The following SLC13A4 variants were observed in gnomAD, a reference collection of about 807,000 sequenced individuals.
SLC13A4 encodes solute carrier family 13 member 4.
SLC13A4 carries 28 observed loss-of-function variants against 72.7 expected under a neutral mutation model. The ratio of observed to expected loss-of-function variants is 0.39; its 90% confidence interval spans 0.29 to 0.53. SLC13A4 has a LOEUF of 0.53. Ranked by LOEUF, SLC13A4 falls within the 20% of genes least tolerant of loss-of-function variation. The pLI is 0.78. For missense variants in SLC13A4, 653 were observed against 788.0 expected (o/e 0.83, Z 2.05); for synonymous variants, 312 against 325.5 (o/e 0.96, Z 0.45).
intron 2 of SLC13A4, among the ~76,000 whole-genome samples, chr7:135,712,407 C>T (rs1025241888): frequency 2.0e-5 from 3 of 148,976 alleles, no homozygotes; most frequent in African/African-American, 7.4e-5. Flanking sequence ...GCCGGGACTC[C>T]ACTGTGTGAC....
At chr7:135,708,405 C>G (rs1796219278) in intron 2 of SLC13A4, among the ~76,000 whole-genome samples, 155 bp from the exon 3 acceptor site, 1 of 152,132 alleles carries the variant, frequency 6.6e-6, no homozygotes, top group Non-Finnish European at 1.5e-5. Context: ...GAAATAGCCG[C>G]CCATCCTAGA....
chr7:135,691,502 G>T, intron 12 of SLC13A4, 46 bp downstream of exon 12: 2 of 1,550,370 alleles, frequency 1.3e-6, no homozygotes, highest in South Asian at 1.1e-5. Flanking sequence ...GTCTGATTTG[G>T]GTATTCTTCA....
chr7:135,727,603 G>T lies in SLC13A4; in HGVS notation c.-107C>A. ...AGAAAGACTTCTTAAACCTTTCTTGGCTTCCGAGAGTCCTCCTTCGTCTTG... is the reference window on the plus strand; with the variant it reads ...AGAAAGACTTCTTAAACCTTTCTTGTCTTCCGAGAGTCCTCCTTCGTCTTG... On this transcript the variant is annotated 5_prime_UTR_variant, in exon 1 of 16. Coordinates refer to ENST00000682651, the MANE Select transcript of SLC13A4 (RefSeq NM_001318192.2). 1 of 1,342,838 alleles carries T rather than the reference G, an allele frequency of 7.4e-7. No homozygotes were observed. The highest frequency in any genetic ancestry group is 2.6e-5 in the East Asian group (1 of 38,666). The allele number at this position is 1,342,838 out of a possible 1,614,324, so 83.2% of individuals were successfully genotyped here. A position where few individuals can be genotyped will look rare whatever the true frequency, so the allele number is the denominator to read the frequency against.
chr7:135,699,004 G>C (rs964759740), intron 8 of SLC13A4, among the ~76,000 whole-genome samples: 15 of 151,946 alleles, frequency 9.9e-5, no homozygotes, highest in Non-Finnish European at 2.1e-4. Context: ...TCAGTGGCAG[G>C]ATCATGGCTC....
At chr7:135,715,575 C>T (rs1322672333) in intron 2 of SLC13A4, among the ~76,000 whole-genome samples, 1 of 148,476 alleles carries the variant, frequency 6.7e-6, no homozygotes, top group African/African-American at 2.6e-5. Flanking sequence ...AGAGCACATG[C>T]AATTACTTCC....
intron 1 of SLC13A4, among the ~76,000 whole-genome samples, chr7:135,725,022 G>A (rs1796626266): frequency 6.6e-6 from 1 of 152,176 alleles, no homozygotes; most frequent in African/African-American, 2.4e-5. Context: ...TCATCTTCTG[G>A]AGAGAATATT....
At chr7:135,687,740 A>G (rs968310518) in intron 13 of SLC13A4, among the ~76,000 whole-genome samples, 1 of 148,074 alleles carries the variant, frequency 6.8e-6, no homozygotes, top group Admixed American at 6.8e-5. Context: ...TTGAATGGAA[A>G]TGGTACATTA....
At chr7:135,687,376 A>G (rs1206742039) in intron 13 of SLC13A4, among the ~76,000 whole-genome samples, 1 of 152,106 alleles carries the variant, frequency 6.6e-6, no homozygotes, top group Non-Finnish European at 1.5e-5. Context: ...ATGTTTTACT[A>G]TTAAATACCG....
intron 2 of SLC13A4, among the ~76,000 whole-genome samples, chr7:135,715,415 GTA>G (rs77722007): frequency 0.17 from 18,239 of 108,736 alleles, 1,254 homozygotes; most frequent in African/African-American, 0.26. Flanking sequence ...ATGAGTGTGT[GTA>G]TGAGTGTGTG....
chr7:135,710,583 A>AG (rs35052992), intron 2 of SLC13A4, among the ~76,000 whole-genome samples: 3 of 141,582 alleles, frequency 2.1e-5, no homozygotes, highest in East Asian at 4.7e-4. Flanking sequence ...GGGACTTGGT[A>AG]GGGGGGGAAG....
chr7:135,703,989 C>T (rs1336898044), intron 5 of SLC13A4: 2 of 152,268 alleles, frequency 1.3e-5, no homozygotes, highest in Non-Finnish European at 2.9e-5. Context: ...GACCCAGTTC[C>T]CACCAGCACA....
intron 5 of SLC13A4, 84 bp downstream of exon 5, chr7:135,705,512 T>A (rs1796139954): frequency 7.9e-7 from 1 of 1,264,338 alleles, no homozygotes; most frequent in South Asian, 1.3e-5. Context: ...CTCAAAGAGC[T>A]GTTTATGGGT....
rs371017595 is a variant in SLC13A4, at chr7:135,692,466, T to C, written c.1122-42A>G. ...AAAGACCCACTCAGGAACTGAGAAATTTCTCCTAGCTTTTTCACTTTGCTT... is the reference window on the plus strand; with the variant it reads ...AAAGACCCACTCAGGAACTGAGAAACTTCTCCTAGCTTTTTCACTTTGCTT... On this transcript the variant is annotated intron_variant, in intron 10 of 15. Transcript: ENST00000682651. 301 of 1,439,870 alleles carry C rather than the reference T, an allele frequency of 2.1e-4. No homozygotes were observed. In the African/African-American group the frequency reaches 4.1e-3, roughly 19 times the overall value. 89.2% of individuals were successfully genotyped at this position (1,439,870 alleles called of 1,614,324 possible).
Position 135,727,697 on chromosome 7 carries a change from T to G in SLC13A4, c.-201A>C. The G allele has an allele frequency of 1.8e-6, 1 of 559,770 alleles. No individual in the cohort carries two copies. Among genetic ancestry groups the G allele is most frequent in the Admixed American group, 3.3e-5 (1 of 30,754 alleles). 34.7% of individuals were successfully genotyped at this position (559,770 alleles called of 1,614,324 possible). On this transcript the variant is annotated 5_prime_UTR_variant, in exon 1 of 16. The change abolishes the stop of an existing upstream ORF in the 5' untranslated region. Coordinates refer to ENST00000682651, the MANE Select transcript of SLC13A4 (RefSeq NM_001318192.2). The stretch of plus-strand genomic sequence containing the variant: ...GAGGCTGGGCTCCTGGCCTCCTGCT[T>G]TAGGTGGGATTGATGAGCATCGTTT...
chr7:135,704,757 G>GGTGATGTCATCAAGA (rs1212278317), intron 5 of SLC13A4: 1 of 152,184 alleles, frequency 6.6e-6, no homozygotes, highest in East Asian at 1.9e-4. Flanking sequence ...TATCATCAAG[G>GGTGATGTCATCAAGA]GTGATGTCAT....
At chr7:135,715,494 G>GATGA (rs1563169305) in intron 2 of SLC13A4, among the ~76,000 whole-genome samples, 1 of 151,048 alleles carries the variant, frequency 6.6e-6, no homozygotes, top group African/African-American at 2.4e-5. Flanking sequence ...TGTATGAGTG[G>GATGA]GTGTGTAGGA....
chr7:135,706,952 G>A lies in SLC13A4; in HGVS notation c.366-652C>T, dbSNP rs1003845486. 2.6e-5 allele frequency among the ~76,000 whole-genome samples: 4 copies of A among 152,172 alleles called. No homozygotes were observed. In the East Asian group the frequency reaches 5.8e-4, roughly 22 times the overall value. ...ATTATTTCTCTTTGGCTTTGAGAACGTTGTGCAATGTGTGCCTGTACAGAC... is the reference window on the plus strand; with the variant it reads ...ATTATTTCTCTTTGGCTTTGAGAACATTGTGCAATGTGTGCCTGTACAGAC... On this transcript the variant is annotated intron_variant, in intron 3 of 15. Transcript: ENST00000682651.
At chr7:135,703,095 G>A (rs1796078823) in intron 5 of SLC13A4, 1 of 576,718 alleles carries the variant, frequency 1.7e-6, no homozygotes. Context: ...TCCTTCTGAG[G>A]GCAGGGGCAG....
At chr7:135,708,351 A>C in intron 2 of SLC13A4, 101 bp from the exon 3 acceptor site, 1 of 1,500,762 alleles carries the variant, frequency 6.7e-7, no homozygotes, top group Non-Finnish European at 9.1e-7. Context: ...CCTGTTCTCA[A>C]TCAAAGAGGC....
Sources: gnomAD v4.1 joint callset for allele counts (sites outside exome capture counted in the v4.1 genomes callset) on GRCh38, gnomAD v4.1.1 for gene constraint, MANE v1.5 for transcripts, NCBI Gene and HGNC (gene_info 2026-07-23, HGNC 2026-07-21) for gene names.